PLEKHG5: variants seen among roughly 807,000 people sequenced by gnomAD.
PLEKHG5 encodes the protein pleckstrin homology domain-containing family G member 5.
PLEKHG5 carries 52 observed loss-of-function variants against 103.8 expected under a neutral mutation model. The observed-to-expected ratio is 0.50, with a 90% CI of 0.40 to 0.63. The LOEUF is 0.63. Ranked by LOEUF, PLEKHG5 falls within the 30% of genes least tolerant of loss-of-function variation. The probability of loss-of-function intolerance (pLI) is 0.00; values close to 1 mark genes in which losing one functional copy is unlikely to be tolerated. For synonymous variants in PLEKHG5, 592 were observed against 575.5 expected (o/e 1.03, Z -0.41); for missense variants, 1,205 against 1,347.6 (o/e 0.89, Z 1.66).
chr1:6,476,265 A>C (rs1644763819), intron 2 of PLEKHG5, among the ~76,000 whole-genome samples: 1 of 152,176 alleles, frequency 6.6e-6, no homozygotes, highest in Admixed American at 6.5e-5. Context: ...ATCTCGGCTC[A>C]CTGCAACCTC....
chr1:6,468,505 G>C lies in PLEKHG5; in HGVS notation c.2331C>G (p.Ser777Arg). The change falls in exon 20 of 21, where the codon AGC becomes AGG. Residue 777 changes from serine to arginine, a missense_variant. By Grantham distance (110) the Ser-to-Arg change is moderately radical. Transcript: ENST00000377728. Reference protein sequence around the residue: ...GDTLSSPEFDSGPFSSQSDET... With the variant: ...GDTLSSPEFDRGPFSSQSDET... ...CATCAGACTGGGAGCTGAAAGGACC[G>C]CTGTCGAACTCGGGGGAGGACAGCG... 1.9e-6 allele frequency: 3 copies of C among 1,612,888 alleles called. No individual in the cohort carries two copies. The highest frequency in any genetic ancestry group is 2.5e-6 in the Non-Finnish European group (3 of 1,179,846).
intron 1 of PLEKHG5, among the ~76,000 whole-genome samples, chr1:6,518,565 A>G (rs1638691541): frequency 6.6e-6 from 1 of 151,682 alleles, no homozygotes; most frequent in Non-Finnish European, 1.5e-5. Flanking sequence ...ATCCCAAAAA[A>G]AAAAAAAAAA....
chr1:6,502,758 C>T (rs1557768726), intron 1 of PLEKHG5, among the ~76,000 whole-genome samples: 1 of 152,232 alleles, frequency 6.6e-6, no homozygotes, highest in Non-Finnish European at 1.5e-5. Flanking sequence ...ATCGGCCCAC[C>T]CTGCATGGGC....
chr1:6,518,546 T>TGAAA (rs1638690099), intron 1 of PLEKHG5, among the ~76,000 whole-genome samples: 1 of 112,972 alleles, frequency 8.9e-6, no homozygotes, highest in African/African-American at 3.4e-5. Context: ...GCAACAAAAG[T>TGAAA]GAAACTCCAT....
rs1645033730 is a variant in PLEKHG5 at position 6,486,181 on chromosome 1, C to T, written c.-88+5456G>A. On this transcript the variant is annotated intron_variant, in intron 1 of 20. Transcript: ENST00000377728. The surrounding 1 kb of genome is among the most constrained non-coding windows in gnomAD (Gnocchi z 5.3). The stretch of plus-strand genomic sequence containing the variant: ...CCTCGGAGCCTCAGCCCAGGGGACC[C>T]CTTCTTACTCCCAGCAAGGGAGCTC... Among the ~76,000 whole-genome samples the T allele has an allele frequency of 6.6e-6, 1 of 152,134 alleles. No homozygotes were observed. Among genetic ancestry groups the T allele is most frequent in the Admixed American group, 6.5e-5 (1 of 15,282 alleles).
At chr1:6,506,349 G>A (rs1638316075) in intron 1 of PLEKHG5, among the ~76,000 whole-genome samples, 1 of 152,148 alleles carries the variant, frequency 6.6e-6, no homozygotes, top group African/African-American at 2.4e-5. Context: ...GCTGACCAAT[G>A]GCCAGGGCCC....
intron 1 of PLEKHG5, among the ~76,000 whole-genome samples, chr1:6,517,102 AG>A (rs1375767586): frequency 3.9e-5 from 5 of 128,640 alleles, no homozygotes; most frequent in Non-Finnish European, 8.0e-5. Flanking sequence ...ACAAAAAAAA[AG>A]GCCAGGCGCG....
Position 6,471,554 on chromosome 1 carries a change from C to T in PLEKHG5, c.1215G>A (p.Val405=), listed in dbSNP as rs757671338. The change falls in exon 12 of 21, where the codon GTG becomes GTA. Residue 405 remains valine, a synonymous_variant. Coordinates refer to ENST00000377728, the MANE Select transcript of PLEKHG5 (RefSeq NM_020631.6). The stretch of plus-strand genomic sequence containing the variant: ...CTCGCGTGCGCCGCGCCTTCTCCAG[C>T]ACCGGCGCCATCACGCTAGCCCACA... ...RRLWASVMAP[V]LEKARRTRAL... is the part of the protein sequence containing the mutation. The T allele has an allele frequency of 3.7e-6, 6 of 1,605,658 alleles. No homozygotes were observed. In the African/African-American group the frequency reaches 4.0e-5, roughly 11 times the overall value.
At chr1:6,515,837 A>G (rs1638597035) in intron 1 of PLEKHG5, among the ~76,000 whole-genome samples, 1 of 152,176 alleles carries the variant, frequency 6.6e-6, no homozygotes, top group African/African-American at 2.4e-5. Flanking sequence ...GCCAAGAGCC[A>G]TGGCATTTCA....
At chr1:6,493,014 G>T (rs536352273), upstream of PLEKHG5, among the ~76,000 whole-genome samples, 27 of 151,868 alleles carry the variant, frequency 1.8e-4, no homozygotes, top group African/African-American at 6.0e-4. Context: ...TAATCCTCAG[G>T]ACTCCAGTTG....
At chr1:6,518,921 G>A (rs1019515608) in intron 1 of PLEKHG5, among the ~76,000 whole-genome samples, 2 of 152,206 alleles carry the variant, frequency 1.3e-5, no homozygotes, top group African/African-American at 4.8e-5. Flanking sequence ...TCTGCTCACT[G>A]CAAGCTCCGC....
At chr1:6,510,481 C>G (rs1199665575) in intron 1 of PLEKHG5, among the ~76,000 whole-genome samples, 1 of 152,170 alleles carries the variant, frequency 6.6e-6, no homozygotes, top group East Asian at 1.9e-4. Context: ...ATCCCAACTA[C>G]TTGGGAGGCT....
At chr1:6,512,401 G>A (rs1638498821) in intron 1 of PLEKHG5, among the ~76,000 whole-genome samples, 1 of 152,212 alleles carries the variant, frequency 6.6e-6, no homozygotes, top group Admixed American at 6.5e-5. Flanking sequence ...TTCAGGCCTG[G>A]ACAAACCTCC....
chr1:6,473,578 G>A (rs1383767102), intron 7 of PLEKHG5, 124 bp from the exon 8 acceptor site: 1 of 720,806 alleles, frequency 1.4e-6, no homozygotes, highest in Non-Finnish European at 2.2e-6. Context: ...CTCTACCCTG[G>A]GGTGTCCCCT....
chr1:6,517,223 C>T (rs563378682), intron 1 of PLEKHG5, among the ~76,000 whole-genome samples: 1 of 149,608 alleles, frequency 6.7e-6, no homozygotes, highest in Admixed American at 6.8e-5. Flanking sequence ...AGAAGAATGG[C>T]ATGAACCTGA....
At position 6,473,284 on chromosome 1, in the gene PLEKHG5, G is replaced by A. The variant is rs61738911; in HGVS notation, c.762C>T (p.Phe254=). The change falls in exon 8 of 21, where the codon TTC becomes TTT. Residue 254 remains phenylalanine, a synonymous_variant. Coordinates refer to ENST00000377728, the MANE Select transcript of PLEKHG5 (RefSeq NM_020631.6). The part of the protein sequence containing the change: ...NRAASRFSGF[F]SSGPSTSAFG... The stretch of plus-strand genomic sequence containing the variant: ...AGGCGCTGGTGCTGGGGCCGGAGCT[G>A]AAAAAGCCGCTGAAGCGACTGGCCG... The A allele has an allele frequency of 6.9e-6, 11 of 1,602,750 alleles. No individual in the cohort carries two copies. Among genetic ancestry groups the A allele is most frequent in the South Asian group, 5.6e-5 (5 of 89,854 alleles).
chr1:6,474,662 GC>G, intron 5 of PLEKHG5, 75 bp from the exon 6 acceptor site: 1 of 1,336,642 alleles, frequency 7.5e-7, no homozygotes, highest in Non-Finnish European at 1.0e-6. Flanking sequence ...GCCCCCACGA[GC>G]CCCCGCCCCA....
Position 6,470,647 on chromosome 1 carries a change from G to A in PLEKHG5, c.1543-4C>T. ...TGAAGCGCTCCACGGAGCCGATCTA[G>A]GGGCAGGTGAGGGAGCTTCAGGTCC... On this transcript the variant is annotated splice_region_variant and splice_polypyrimidine_tract_variant and intron_variant, in intron 14 of 20. Transcript: ENST00000377728. 4.5e-6 allele frequency: 7 copies of A among 1,567,406 alleles called. No individual in the cohort carries two copies. The South Asian group carries it at 4.6e-5, about 10-fold the overall frequency.
intron 1 of PLEKHG5, among the ~76,000 whole-genome samples, chr1:6,507,092 A>G (rs1019942185): frequency 1.3e-5 from 2 of 152,226 alleles, no homozygotes; most frequent in African/African-American, 4.8e-5. Flanking sequence ...AGTTGATTCC[A>G]GAGTGTTGTC....
Sources: allele counts gnomAD v4.1 joint callset (sites outside exome capture counted in the v4.1 genomes callset), GRCh38; gene constraint gnomAD v4.1.1; non-coding constraint Gnocchi (gnomAD v3.1); transcripts MANE v1.5; gene names NCBI Gene and HGNC (gene_info 2026-07-23, HGNC 2026-07-21).